Variants in MYO15A observed in about 807,000 individuals in gnomAD.
MYO15A encodes the protein myosin XVA, also known as unconventional myosin-XV.
Under a neutral mutation model 394.6 loss-of-function variants are expected in MYO15A, and 308 were observed. The observed-to-expected ratio is 0.78, with a 90% CI of 0.71 to 0.86. The LOEUF (loss-of-function observed/expected upper bound fraction) is 0.86, where lower values mean the gene tolerates loss of function less well. Among genes scored for constraint, MYO15A ranks in the 40% least tolerant of loss-of-function variants. MYO15A has a pLI of 0.00. For synonymous variants in MYO15A, 1,957 were observed against 2,003.8 expected, an observed-to-expected ratio of 0.98 and a Z score of 0.62; for missense variants, 4,606 against 4,799.1, an observed-to-expected ratio of 0.96 and a Z score of 1.19.
intron 63 of MYO15A, 40 bp downstream of exon 63, chr17:18,171,811 T>TTGCTGAGGAG: frequency 1.9e-6 from 3 of 1,593,400 alleles, no homozygotes; most frequent in Non-Finnish European, 2.6e-6. Context: ...ATAGGGGGCT[T>TTGCTGAGGAG]TGCTGAGGAG....
Position 18,146,087 on chromosome 17 carries a change from C to G in MYO15A, c.6489C>G (p.Cys2163Trp). The G allele has an allele frequency of 6.2e-7, 1 of 1,613,904 alleles. No individual in the cohort carries two copies. The highest frequency in any genetic ancestry group is 8.5e-7 in the Non-Finnish European group (1 of 1,180,018). The change falls in exon 30 of 66, where the codon TGC (cysteine) becomes TGG (tryptophan). Residue 2163 changes from cysteine to tryptophan, a missense_variant. This residue lies in a region of MYO15A where 2,776 missense variants were observed against 3,109.3 expected (regional missense o/e 0.89). Transcript: ENST00000647165. ...TCAGTGGCTTTGCACCTTCCCCGTG[C>G]TTCAACAAGTACCTTCTCAAGTGAG... ...ACLSGFAPSP[C>W]FNKYLLKFVS...
chr17:18,114,388 A>G (rs1346001981), intron 1 of MYO15A, among the ~76,000 whole-genome samples: 1 of 151,632 alleles, frequency 6.6e-6, no homozygotes, highest in Non-Finnish European at 1.5e-5. Flanking sequence ...AGTAGCTGCA[A>G]TTACAGGCAT....
intron 8 of MYO15A, 114 bp downstream of exon 8, chr17:18,130,924 A>T (rs2046149782): frequency 1.7e-6 from 2 of 1,184,706 alleles, no homozygotes; most frequent in Non-Finnish European, 2.4e-6. Context: ...GTGGAGGGAC[A>T]GGCAGGAAAG....
chr17:18,153,174 C>T lies in MYO15A; in HGVS notation c.7967-601C>T, dbSNP rs191585012. ...ATCCCAGCACTTTGGGAGTCCGAGG[C>T]GGGCGGATCACAAGGTCAAGAGATC... On this transcript the variant is annotated intron_variant, in intron 42 of 65. Transcript: ENST00000647165. The surrounding 1 kb of genome is among the most constrained non-coding windows in gnomAD (Gnocchi z 4.1). 2.6e-5 allele frequency among the ~76,000 whole-genome samples: 4 copies of T among 152,222 alleles called. No individual in the cohort carries two copies. Among genetic ancestry groups the T allele is most frequent in the Admixed American group, 6.5e-5 (1 of 15,302 alleles).
intron 25 of MYO15A, among the ~76,000 whole-genome samples, chr17:18,143,072 G>A (rs767512370): frequency 3.9e-4 from 59 of 152,204 alleles, no homozygotes; most frequent in Admixed American, 5.9e-4. Flanking sequence ...CCTGGTGCTG[G>A]GTTCACAGTG....
At chr17:18,166,256 C>A in intron 60 of MYO15A, 105 bp from the exon 61 acceptor site, 2 of 1,467,732 alleles carry the variant, frequency 1.4e-6, no homozygotes, top group East Asian at 2.3e-5. Context: ...CGAGGTGATA[C>A]CTCACCTGGG....
At position 18,178,757 on chromosome 17, in the gene MYO15A, T is replaced by C. The variant is rs1393565610; in HGVS notation, c.10492-12T>C. 2 of 1,613,634 alleles carry C rather than the reference T, an allele frequency of 1.2e-6. No homozygotes were observed. The highest frequency in any genetic ancestry group is 2.2e-5 in the East Asian group (1 of 44,872). Reference sequence around the variant, plus strand: ...GTGTTGGATGGGCGTGGACTGTCACTGTCACCTGCAGGGACTGGAACTGTG... The same window carrying C: ...GTGTTGGATGGGCGTGGACTGTCACCGTCACCTGCAGGGACTGGAACTGTG... On this transcript the variant is annotated splice_polypyrimidine_tract_variant and intron_variant, in intron 65 of 65. Transcript: ENST00000647165.
At chr17:18,176,703 T>C (rs1216295186) in intron 65 of MYO15A, 1 of 151,762 alleles carries the variant, frequency 6.6e-6, no homozygotes, top group African/African-American at 2.4e-5. Flanking sequence ...GCCCGGCTAT[T>C]TTTTTGTATT....
chr17:18,113,835 C>CAA (rs1555536607), intron 1 of MYO15A, among the ~76,000 whole-genome samples: 54 of 133,852 alleles, frequency 4.0e-4, no homozygotes, highest in Admixed American at 9.1e-4. Context: ...CACACACACA[C>CAA]ACACACTCTT....
At chr17:18,161,124 C>T (rs551424074) in intron 56 of MYO15A, 193 bp from the exon 57 acceptor site, 6 of 900,586 alleles carry the variant, frequency 6.7e-6, no homozygotes, top group Non-Finnish European at 1.1e-5. Context: ...GGCCCCATCC[C>T]CTTCTGTCCC....
Position 18,126,774 on chromosome 17 carries a change from A to T in MYO15A, c.3867-17A>T. The T allele has an allele frequency of 1.2e-6, 2 of 1,613,936 alleles. No individual in the cohort carries two copies. The highest frequency in any genetic ancestry group is 1.7e-6 in the Non-Finnish European group (2 of 1,179,894). ...AGCTTAGAGGCAGGGGCCAGCTCTAATGACCTGTCTCCCCAGGCACCTCTT... is the reference window on the plus strand; with the variant it reads ...AGCTTAGAGGCAGGGGCCAGCTCTATTGACCTGTCTCCCCAGGCACCTCTT... On this transcript the variant is annotated splice_polypyrimidine_tract_variant and intron_variant, in intron 5 of 65. Transcript: ENST00000647165.
intron 64 of MYO15A, among the ~76,000 whole-genome samples, chr17:18,173,105 G>A (rs1352928223): frequency 6.6e-6 from 1 of 152,188 alleles, no homozygotes; most frequent in African/African-American, 2.4e-5. Flanking sequence ...GTGGGCACCT[G>A]GAGGTCAGTC....
At position 18,156,229 on chromosome 17, in the gene MYO15A, C is replaced by A; in HGVS notation, c.8494C>A (p.Gln2832Lys). 1 of 1,614,184 alleles carries A rather than the reference C, an allele frequency of 6.2e-7. No individual in the cohort carries two copies. Among genetic ancestry groups the A allele is most frequent in the Non-Finnish European group, 8.5e-7 (1 of 1,180,024 alleles). Residue 2832 changes from glutamine to lysine, a missense_variant, in exon 48 of 66, where the codon CAG becomes AAG. Gln to Lys is a moderately conservative substitution (Grantham distance 53). Around this residue, in one of 2 missense-constraint regions of MYO15A, gnomAD observed 2,776 missense variants for 3,109.3 expected, o/e 0.89. Coordinates refer to ENST00000647165, the MANE Select transcript of MYO15A (RefSeq NM_016239.4). ...TATCCTGTTTGTGACCATGCCCTCCCAGAACATGCTGGAGTTCAACCTGGC... is the reference window on the plus strand; with the variant it reads ...TATCCTGTTTGTGACCATGCCCTCCAAGAACATGCTGGAGTTCAACCTGGC... ...ADILFVTMPS[Q>K]NMLEFNLASE...
At chr17:18,156,729 G>A (rs1444504133) in intron 48 of MYO15A, among the ~76,000 whole-genome samples, 1 of 152,226 alleles carries the variant, frequency 6.6e-6, no homozygotes, top group Non-Finnish European at 1.5e-5. Flanking sequence ...AAGTCTGTGA[G>A]GGATTGAGTG....
At position 18,155,181 on chromosome 17, in the gene MYO15A, C is replaced by A. The variant is rs756973921; in HGVS notation, c.8296C>A (p.Arg2766=). The part of the protein sequence containing the change: ...SVKRAVVSTA[R]DTWEVYFSRI... Reference sequence around the variant, plus strand: ...GAAGCGGGCCGTGGTCAGCACTGCACGAGACACCTGGGAGGTCTACTTCTC... The same window carrying A: ...GAAGCGGGCCGTGGTCAGCACTGCAAGAGACACCTGGGAGGTCTACTTCTC... The change falls in exon 46 of 66, where the codon CGA becomes AGA. Residue 2766 remains arginine, a synonymous_variant. Transcript: ENST00000647165. 1.9e-6 allele frequency: 3 copies of A among 1,613,964 alleles called. No homozygotes were observed. The South Asian group carries it at 3.3e-5, about 18-fold the overall frequency.
At chr17:18,154,474 G>C (rs2046639022) in intron 44 of MYO15A, among the ~76,000 whole-genome samples, 1 of 152,196 alleles carries the variant, frequency 6.6e-6, no homozygotes, top group Non-Finnish European at 1.5e-5. Flanking sequence ...GGTGGCCTAG[G>C]AAGGGTGGCC....
intron 23 of MYO15A, 46 bp downstream of exon 23, chr17:18,141,816 G>A (rs2046387947): frequency 6.3e-7 from 1 of 1,587,108 alleles, no homozygotes; most frequent in Non-Finnish European, 8.7e-7. Flanking sequence ...CAAGTTTGGG[G>A]GGGTCCACAA....
chr17:18,124,276 G>T, intron 2 of MYO15A: 2 of 635,628 alleles, frequency 3.1e-6, no homozygotes, highest in Non-Finnish European at 5.8e-6. Flanking sequence ...CCTGGGCACT[G>T]AGGGTATGCG....
At position 18,162,809 on chromosome 17, in the gene MYO15A, G is replaced by T. The variant is rs1022652336; in HGVS notation, c.9612+130G>T. 3.3e-6 allele frequency: 3 copies of T among 918,204 alleles called. No individual in the cohort carries two copies. The African/African-American group carries it at 4.9e-5, about 15-fold the overall frequency. 56.9% of individuals were successfully genotyped at this position (918,204 alleles called of 1,614,324 possible). On this transcript the variant is annotated intron_variant, in intron 58 of 65. Coordinates refer to ENST00000647165, the MANE Select transcript of MYO15A (RefSeq NM_016239.4). ...GAGGTCAGGAGTTCGAGACCAGCCT[G>T]GCCAACATGGTGAAACCCCGTCTCT...
Sources: allele counts gnomAD v4.1 joint callset (sites outside exome capture counted in the v4.1 genomes callset), GRCh38; gene constraint gnomAD v4.1.1; regional missense constraint gnomAD v4.1.1; non-coding constraint Gnocchi (gnomAD v3.1); transcripts MANE v1.5; gene names NCBI Gene and HGNC (gene_info 2026-07-23, HGNC 2026-07-21).